Variants in SGCD observed in about 807,000 individuals in gnomAD.
The protein encoded by SGCD is delta-sarcoglycan.
Under a neutral mutation model 36.6 loss-of-function variants are expected in SGCD, and 18 were observed. The observed-to-expected ratio is 0.49, with a 90% confidence interval of 0.34 to 0.73. The LOEUF (loss-of-function observed/expected upper bound fraction) is 0.73. Among genes scored for constraint, SGCD ranks in the 30% least tolerant of loss-of-function variants. The pLI is 0.01. For synonymous variants in SGCD, 133 were observed against 130.6 expected, an observed-to-expected ratio of 1.02 and a Z score of -0.12; for missense variants, 387 against 346.7, an observed-to-expected ratio of 1.12 and a Z score of -0.92.
At chr5:155,876,391 A>G (rs1755768535) in intron 1 of SGCD, among the ~76,000 whole-genome samples, 1 of 152,036 alleles carries the variant, frequency 6.6e-6, no homozygotes, top group Non-Finnish European at 1.5e-5. Flanking sequence ...CTTTTTAAAA[A>G]TAAAAAATAA....
chr5:156,273,271 C>T (rs1294999919), intron 3 of SGCD, among the ~76,000 whole-genome samples: 3 of 152,158 alleles, frequency 2.0e-5, no homozygotes, highest in Non-Finnish European at 4.4e-5. Flanking sequence ...GAAATAATTG[C>T]TGTGCTTGTA....
At chr5:156,368,819 T>G (rs1395889135) in intron 3 of SGCD, among the ~76,000 whole-genome samples, 3 of 152,236 alleles carry the variant, frequency 2.0e-5, no homozygotes, top group Non-Finnish European at 4.4e-5. Context: ...ACTGTATGGT[T>G]GCAGGAAAAC....
At chr5:156,742,543 C>T (rs1299161621) in intron 7 of SGCD, among the ~76,000 whole-genome samples, 1 of 152,126 alleles carries the variant, frequency 6.6e-6, no homozygotes, top group East Asian at 1.9e-4. Context: ...AGCTACTTTC[C>T]TTGCAGTCCT....
chr5:156,169,315 C>T (rs116015315), intron 3 of SGCD, among the ~76,000 whole-genome samples: 4 of 152,308 alleles, frequency 2.6e-5, no homozygotes, highest in South Asian at 2.1e-4. Context: ...GGCTAAGCAG[C>T]GGTCTTGTCG....
chr5:155,901,396 T>C (rs1561643880), intron 1 of SGCD, among the ~76,000 whole-genome samples: 1 of 151,786 alleles, frequency 6.6e-6, no homozygotes. Flanking sequence ...AGATGCACTA[T>C]AAATTAAGGT....
intron 3 of SGCD, among the ~76,000 whole-genome samples, chr5:156,289,169 G>C (rs181214373): frequency 2.0e-5 from 3 of 152,066 alleles, no homozygotes; most frequent in Admixed American, 2.0e-4. Context: ...TGATCCCCTC[G>C]TGGATATTCA....
At chr5:156,195,291 GT>G (rs1197865103) in intron 3 of SGCD, among the ~76,000 whole-genome samples, 1 of 152,130 alleles carries the variant, frequency 6.6e-6, no homozygotes, top group Non-Finnish European at 1.5e-5. Flanking sequence ...ATTAATCATT[GT>G]TTAGCTGGGT....
chr5:155,826,507 C>T, the SGCD span, among the ~76,000 whole-genome samples: 1 of 152,202 alleles, frequency 6.6e-6, no homozygotes, highest in Non-Finnish European at 1.5e-5. Flanking sequence ...TCCACTCTCC[C>T]TGGCCATCTT....
intron 3 of SGCD, among the ~76,000 whole-genome samples, chr5:156,167,449 T>C (rs1191723590): frequency 1.3e-5 from 2 of 152,156 alleles, no homozygotes; most frequent in Non-Finnish European, 2.9e-5. Flanking sequence ...TGTTGCTTTG[T>C]TGCAAGTATG....
At chr5:156,117,228 A>G (rs1453186857) in intron 1 of SGCD, among the ~76,000 whole-genome samples, 1 of 152,088 alleles carries the variant, frequency 6.6e-6, no homozygotes, top group African/African-American at 2.4e-5. Flanking sequence ...AGACGCAAAC[A>G]CATTGTTGCC....
rs565566698 is a variant in SGCD, at chr5:156,275,796, G to A, written c.-43-53738G>A. ...TTGTGAAGTATATGCTATCATTGAG[G>A]GGCCATATTGGTTCAGTAAGTGGCT... On this transcript the variant is annotated intron_variant, in intron 3 of 9. Coordinates refer to the SGCD transcript ENST00000517913. 3.3e-5 allele frequency among the ~76,000 whole-genome samples: 5 copies of A among 152,176 alleles called. No individual in the cohort carries two copies. In the South Asian group the frequency reaches 6.2e-4, roughly 19 times the overall value.
At chr5:156,001,198 G>T (rs1310828756) in intron 1 of SGCD, among the ~76,000 whole-genome samples, 7 of 152,192 alleles carry the variant, frequency 4.6e-5, no homozygotes, top group African/African-American at 1.2e-4. Context: ...GTTATAGGCA[G>T]GTCGCTACAA....
chr5:156,106,826 G>A (rs1347693159), intron 1 of SGCD, among the ~76,000 whole-genome samples: 8 of 152,098 alleles, frequency 5.3e-5, no homozygotes. Flanking sequence ...ATATGAAATG[G>A]CAACACTTTG....
chr5:156,549,220 T>C (rs913597012), intron 4 of SGCD, among the ~76,000 whole-genome samples: 4 of 152,160 alleles, frequency 2.6e-5, no homozygotes, highest in Non-Finnish European at 4.4e-5. Context: ...GATCACAGAT[T>C]GGTACTGAGG....
At chr5:155,822,743 G>A in the SGCD span, among the ~76,000 whole-genome samples, 5 of 152,232 alleles carry the variant, frequency 3.3e-5, no homozygotes, top group South Asian at 2.1e-4. Context: ...GAAAAGCATC[G>A]AGCCCAGGGA....
chr5:156,448,736 T>TC (rs1561702598), intron 3 of SGCD, among the ~76,000 whole-genome samples: 1 of 111,574 alleles, frequency 9.0e-6, no homozygotes, highest in Non-Finnish European at 1.9e-5. Context: ...TTTTTCTTTT[T>TC]TTTTTTTTTT....
chr5:156,072,987 C>A (rs533276305), intron 1 of SGCD, among the ~76,000 whole-genome samples: 1 of 152,312 alleles, frequency 6.6e-6, no homozygotes, highest in East Asian at 1.9e-4. Flanking sequence ...TCCATCAGCT[C>A]CTTTAAGCAC....
chr5:155,746,481 C>T, the SGCD span, among the ~76,000 whole-genome samples: 1 of 152,134 alleles, frequency 6.6e-6, no homozygotes, highest in Non-Finnish European at 1.5e-5. Context: ...AGACAGTATA[C>T]TCTGAAAGAC....
At chr5:156,377,989 C>T (rs1381459328) in intron 3 of SGCD, among the ~76,000 whole-genome samples, 4 of 152,140 alleles carry the variant, frequency 2.6e-5, no homozygotes, top group Non-Finnish European at 4.4e-5. Flanking sequence ...TTAGCAATTT[C>T]ACTTCTGGGT....
Sources: allele counts gnomAD v4.1 joint callset (sites outside exome capture counted in the v4.1 genomes callset), GRCh38; gene constraint gnomAD v4.1.1; transcripts MANE v1.5; gene names NCBI Gene and HGNC (gene_info 2026-07-23, HGNC 2026-07-21).